Variants in DYRK1A observed in about 807,000 individuals in gnomAD.
DYRK1A encodes the protein dual specificity tyrosine-phosphorylation-regulated kinase 1A.
In DYRK1A, 9 loss-of-function variants were observed where a neutral mutation model predicts 79.7. The ratio of observed to expected loss-of-function variants is 0.11; its 90% confidence interval spans 0.07 to 0.20. The LOEUF is 0.20. Ranked by LOEUF, DYRK1A falls within the 10% of genes least tolerant of loss-of-function variation. DYRK1A has a pLI of 1.00. For missense variants in DYRK1A, 622 were observed against 956.0 expected (o/e 0.65, Z 4.61); for synonymous variants, 349 against 329.7 (o/e 1.06, Z -0.63).
intron 2 of DYRK1A, among the ~76,000 whole-genome samples, chr21:37,454,349 C>T (rs1253940409): frequency 6.6e-6 from 1 of 152,078 alleles, no homozygotes; most frequent in Non-Finnish European, 1.5e-5. Context: ...CTGCCTCGGC[C>T]TCCCAAAGTG....
At chr21:37,477,742 AGCTGGGT>A (rs943554222) in intron 3 of DYRK1A, among the ~76,000 whole-genome samples, 12 of 152,168 alleles carry the variant, frequency 7.9e-5, no homozygotes, top group African/African-American at 2.9e-4. Flanking sequence ...TTTTGGTGCC[AGCTGGGT>A]CCTGAAATCC....
chr21:37,478,146 A>G lies in DYRK1A; in HGVS notation c.208-62A>G, dbSNP rs374881184. 8 of 1,604,744 alleles carry G rather than the reference A, an allele frequency of 5.0e-6. No individual in the cohort carries two copies. In the African/African-American group the frequency reaches 9.4e-5, roughly 19 times the overall value. On this transcript the variant is annotated intron_variant, in intron 3 of 11. Transcript: ENST00000647188. ...TTACAGAAGAGGGAATTTATATCTT[A>G]TAGTTAAAGTGCTAGTCTTTTCTGT... is the stretch of plus-strand genomic sequence containing the variant.
intron 1 of DYRK1A, among the ~76,000 whole-genome samples, chr21:37,390,341 CGTT>C (rs1392461643): frequency 6.6e-6 from 1 of 152,134 alleles, no homozygotes; most frequent in Non-Finnish European, 1.5e-5. Flanking sequence ...ACCATTTAAA[CGTT>C]GTTGGCATGA....
At chr21:37,398,856 G>A (rs1376516729) in intron 1 of DYRK1A, among the ~76,000 whole-genome samples, 4 of 151,882 alleles carry the variant, frequency 2.6e-5, no homozygotes, top group Non-Finnish European at 4.4e-5. Flanking sequence ...GAGAGGCCAC[G>A]TGAGGTGATC....
intron 2 of DYRK1A, among the ~76,000 whole-genome samples, chr21:37,448,170 A>T (rs534457372): frequency 6.6e-6 from 1 of 152,350 alleles, no homozygotes; most frequent in South Asian, 2.1e-4. Flanking sequence ...TACATAGAAG[A>T]TTAACGTGTA....
chr21:37,442,215 G>C (rs1281680932), intron 2 of DYRK1A, among the ~76,000 whole-genome samples: 1 of 151,790 alleles, frequency 6.6e-6, no homozygotes, highest in Non-Finnish European at 1.5e-5. Context: ...TCTTGTGCTT[G>C]TGGTTTGTTG....
At chr21:37,407,594 C>G (rs142516327) in intron 1 of DYRK1A, among the ~76,000 whole-genome samples, 140 of 152,256 alleles carry the variant, frequency 9.2e-4, no homozygotes, top group African/African-American at 3.1e-3. Context: ...ACCTCACTTT[C>G]CACATTTGAT....
At chr21:37,469,704 G>A (rs1270947682) in intron 2 of DYRK1A, among the ~76,000 whole-genome samples, 1 of 152,042 alleles carries the variant, frequency 6.6e-6, no homozygotes, top group Admixed American at 6.6e-5. Flanking sequence ...CTTTTTTCGT[G>A]AGAACTCTTA....
chr21:37,452,763 T>C (rs1403508617), intron 2 of DYRK1A, among the ~76,000 whole-genome samples: 2 of 150,176 alleles, frequency 1.3e-5, no homozygotes, highest in Non-Finnish European at 3.0e-5. Flanking sequence ...TCCCGTTTTT[T>C]TTTTTTTTTT....
intron 2 of DYRK1A, among the ~76,000 whole-genome samples, chr21:37,463,628 CAGAT>C (rs2051926417): frequency 6.6e-6 from 1 of 152,140 alleles, no homozygotes; most frequent in Non-Finnish European, 1.5e-5. Context: ...CTTTATTGCA[CAGAT>C]ATTTATTGAA....
intron 9 of DYRK1A, chr21:37,502,483 A>T (rs772943490): frequency 3.9e-5 from 6 of 152,162 alleles, no homozygotes; most frequent in Non-Finnish European, 5.9e-5. Flanking sequence ...TTACCTTCAA[A>T]TAATAATATA....
intron 2 of DYRK1A, among the ~76,000 whole-genome samples, chr21:37,463,202 ACGTGTGTGTG>A (rs1406387926): frequency 1.7e-4 from 6 of 35,636 alleles, no homozygotes; most frequent in Admixed American, 6.7e-4. Context: ...TAATGTTGGC[ACGTGTGTGTG>A]TGTGTGTGTG....
chr21:37,365,859 G>A (rs1042550478), upstream of DYRK1A: 2 of 152,432 alleles, frequency 1.3e-5, no homozygotes, highest in African/African-American at 2.4e-5. Flanking sequence ...GAAGCAGATG[G>A]GCAGGCACAG....
rs1189075304 is a variant in DYRK1A, at chr21:37,519,510, G to A, written c.*6979G>A. On this transcript the variant is annotated 3_prime_UTR_variant, in exon 12 of 12. Coordinates refer to ENST00000647188, the MANE Select transcript of DYRK1A (RefSeq NM_001347721.2). ...GATAAATATAATATGCGGCTAAACA[G>A]CGGAGTCCACAGCCTGAATGGAACT... The A allele has an allele frequency of 6.6e-6, 1 of 152,204 alleles. No individual in the cohort carries two copies. Among genetic ancestry groups the A allele is most frequent in the Admixed American group, 6.5e-5 (1 of 15,280 alleles). 9.4% of individuals were successfully genotyped at this position (152,204 alleles called of 1,614,324 possible). A position where few individuals can be genotyped will look rare whatever the true frequency, so the allele number is the denominator to read the frequency against.
In DYRK1A at chr21:37,479,622, T is replaced by TTTG. The variant is rs1352322971; in HGVS notation, c.301-1014_301-1013insGTT. On this transcript the variant is annotated intron_variant, in intron 4 of 11. Coordinates refer to ENST00000647188, the MANE Select transcript of DYRK1A (RefSeq NM_001347721.2). ...TTTGTTTTTGTTTTTGTTTTTTGTT[T>TTTG]TTTTTTTTTTTTTTGGAGACAGAGT... 6.9e-4 allele frequency among the ~76,000 whole-genome samples: 73 copies of TTTG among 105,724 alleles called. 4 individuals are homozygous for TTTG. The highest frequency in any genetic ancestry group is 2.7e-3 in the African/African-American group (54 of 20,036). 69.4% of individuals were successfully genotyped at this position (105,724 alleles called of 152,430 possible).
chr21:37,422,537 T>G (rs2050503695), intron 2 of DYRK1A, among the ~76,000 whole-genome samples: 1 of 152,142 alleles, frequency 6.6e-6, no homozygotes, highest in Non-Finnish European at 1.5e-5. Context: ...GTTCTGTTGG[T>G]TAGATGTGGT....
At chr21:37,386,723 A>AT (rs898937314) in intron 1 of DYRK1A, among the ~76,000 whole-genome samples, 2 of 152,062 alleles carry the variant, frequency 1.3e-5, no homozygotes, top group African/African-American at 4.8e-5. Context: ...GGGCTAATTG[A>AT]TTTGGTAGCA....
chr21:37,520,594 T>C lies in DYRK1A; in HGVS notation c.*8063T>C, dbSNP rs2053927940. 1 of 152,222 alleles carries C rather than the reference T, an allele frequency of 6.6e-6. No homozygotes were observed. The highest frequency in any genetic ancestry group is 1.9e-4 in the East Asian group (1 of 5,194). The allele number at this position is 152,222 out of a possible 1,614,324, so 9.4% of individuals were successfully genotyped here. A position where few individuals can be genotyped will look rare whatever the true frequency, so the allele number is the denominator to read the frequency against. On this transcript the variant is annotated 3_prime_UTR_variant, in exon 12 of 12. Transcript: ENST00000647188. ...TTGTTTGCATTAGACTATACATGAT[T>C]TGCATTACAATGGGCCGTGGATTTG...
At position 37,512,768 on chromosome 21, in the gene DYRK1A, C is replaced by A. The variant is rs2053792535; in HGVS notation, c.*237C>A. The stretch of plus-strand genomic sequence containing the variant: ...AGCTCAGAGGTATCCTCTTTTTGCT[C>A]CCCCATTTTAACTTGCCACATCCCA... On this transcript the variant is annotated 3_prime_UTR_variant, in exon 12 of 12. Transcript: ENST00000647188. 6.3e-6 allele frequency: 3 copies of A among 479,790 alleles called. No individual in the cohort carries two copies. Among genetic ancestry groups the A allele is most frequent in the African/African-American group, 3.9e-5 (2 of 51,728 alleles). 29.7% of individuals were successfully genotyped at this position (479,790 alleles called of 1,614,324 possible). A position where few individuals can be genotyped will look rare whatever the true frequency, so the allele number is the denominator to read the frequency against.
Sources: gnomAD v4.1 joint callset for allele counts (sites outside exome capture counted in the v4.1 genomes callset) on GRCh38, gnomAD v4.1.1 for gene constraint, MANE v1.5 for transcripts, NCBI Gene and HGNC (gene_info 2026-07-23, HGNC 2026-07-21) for gene names.